ACP7: variants seen among roughly 807,000 people sequenced by gnomAD.
ACP7 encodes acid phosphatase 7, tartrate resistant (putative).
A neutral mutation model predicts 60.6 loss-of-function variants in ACP7; 58 were observed. The ratio of observed to expected loss-of-function variants is 0.96; its 90% CI spans 0.77 to 1.19. The LOEUF is 1.19. Ranked by LOEUF, ACP7 falls within the 50% of genes most tolerant of loss-of-function variation. ACP7 has a pLI of 0.00. For synonymous variants in ACP7, 237 were observed against 232.6 expected, an observed-to-expected ratio of 1.02 and a Z score of -0.17; for missense variants, 574 against 596.2, an observed-to-expected ratio of 0.96 and a Z score of 0.39.
intron 2 of ACP7, among the ~76,000 whole-genome samples, chr19:39,088,925 T>TAATTTTGC (rs2073174382): frequency 6.7e-6 from 1 of 148,274 alleles, no homozygotes; most frequent in Non-Finnish European, 1.5e-5. Context: ...TTTGTATTTG[T>TAATTTTGC]ATTTTTGCAT....
At chr19:39,107,846 A>G (rs1241041549) in intron 12 of ACP7, among the ~76,000 whole-genome samples, 1 of 151,882 alleles carries the variant, frequency 6.6e-6, no homozygotes. Flanking sequence ...AGATGGCACC[A>G]CTGCCCTCCA....
intron 2 of ACP7, among the ~76,000 whole-genome samples, chr19:39,095,017 C>T (rs560169960): frequency 3.9e-5 from 6 of 152,298 alleles, no homozygotes; most frequent in Non-Finnish European, 5.9e-5. Flanking sequence ...TCTCCCTCCA[C>T]GTACCTCTCA....
chr19:39,104,227 C>G (rs965482310), intron 11 of ACP7, among the ~76,000 whole-genome samples: 2 of 151,620 alleles, frequency 1.3e-5, no homozygotes, highest in Non-Finnish European at 2.9e-5. Flanking sequence ...GTTGTTGACT[C>G]TTTTTAGGCA....
rs1316628357 is a variant in ACP7, at chr19:39,102,765, T to TTCTTTCTTTCTTTC, written c.1113+1231_1113+1232insTTCTTTCTTTCTCT. Among the ~76,000 whole-genome samples the TTCTTTCTTTCTTTC allele has an allele frequency of 2.2e-3, 237 of 107,426 alleles. 2 individuals carry two copies. The highest frequency in any genetic ancestry group is 7.0e-3 in the African/African-American group (226 of 32,436). The allele number at this position is 107,426 out of a possible 152,430, so 70.5% of individuals were successfully genotyped here. A position where few individuals can be genotyped will look rare whatever the true frequency, so the allele number is the denominator to read the frequency against. On this transcript the variant is annotated intron_variant, in intron 11 of 12. Transcript: ENST00000331256. ...TTTCTTTCTTTCTTTCTTTCTTTCT[T>TTCTTTCTTTCTTTC]TCTCTCTCTCTCTCTTTCTCTCTCT...
At chr19:39,109,798 A>G (rs1480524237) in intron 12 of ACP7, among the ~76,000 whole-genome samples, 1 of 151,754 alleles carries the variant, frequency 6.6e-6, no homozygotes, top group Non-Finnish European at 1.5e-5. Flanking sequence ...GCCTACACTT[A>G]CATAGCCCTT....
At chr19:39,109,643 T>A (rs1214757506) in intron 12 of ACP7, among the ~76,000 whole-genome samples, 1 of 137,166 alleles carries the variant, frequency 7.3e-6, no homozygotes, top group African/African-American at 2.8e-5. Flanking sequence ...AAGCGGAGGT[T>A]GCCACTGCAC....
In ACP7 at chr19:39,107,157, G is replaced by T; in HGVS notation, c.1251+73G>T. ...TCCAAGCAAATGAGCTGTTAAAAAC[G>T]TGGGCTCGGCCGGGCGCAGTGGCTC... On this transcript the variant is annotated intron_variant, in intron 12 of 12. Coordinates refer to ENST00000331256, the MANE Select transcript of ACP7 (RefSeq NM_001004318.3). 1.6e-5 allele frequency: 23 copies of T among 1,450,344 alleles called. No individual in the cohort carries two copies. In the Middle Eastern group the frequency reaches 5.6e-4, roughly 35 times the overall value. 89.8% of individuals were successfully genotyped at this position (1,450,344 alleles called of 1,614,324 possible).
intron 12 of ACP7, 30 bp from the exon 13 acceptor site, chr19:39,110,023 A>G: frequency 6.2e-7 from 1 of 1,603,012 alleles, no homozygotes; most frequent in Admixed American, 1.7e-5. Context: ...TTTCAGCTCT[A>G]ACTACTGTCC....
chr19:39,105,168 A>G (rs906222774), intron 11 of ACP7, among the ~76,000 whole-genome samples: 6 of 151,358 alleles, frequency 4.0e-5, no homozygotes, highest in African/African-American at 1.2e-4. Flanking sequence ...GGCTTACGTC[A>G]CCACGCCCGG....
chr19:39,099,242 A>G, intron 4 of ACP7, 100 bp downstream of exon 4: 7 of 1,270,156 alleles, frequency 5.5e-6, no homozygotes, highest in Non-Finnish European at 6.2e-6. Context: ...GGGCGGTGCT[A>G]GGACCGTGGA....
upstream of ACP7, chr19:39,083,858 G>A (rs2073110824): frequency 6.6e-6 from 1 of 152,406 alleles, no homozygotes; most frequent in Middle Eastern, 3.4e-3. Context: ...TTCTGGTTTT[G>A]TTTTGAGGTT....
At chr19:39,106,811 A>T in intron 11 of ACP7, 136 bp from the exon 12 acceptor site, 1 of 1,041,050 alleles carries the variant, frequency 9.6e-7, no homozygotes, top group Non-Finnish European at 1.4e-6. Flanking sequence ...GGCATGAGCC[A>T]CTGCGCCCGG....
intron 4 of ACP7, 135 bp downstream of exon 4, chr19:39,099,277 T>A: frequency 9.6e-7 from 1 of 1,043,766 alleles, no homozygotes; most frequent in Non-Finnish European, 1.3e-6. Context: ...GGCCAGTGTG[T>A]CTCTGAAGGG....
chr19:39,088,472 G>A (rs978045169), intron 2 of ACP7, among the ~76,000 whole-genome samples: 31 of 152,188 alleles, frequency 2.0e-4, no homozygotes, highest in African/African-American at 5.1e-4. Flanking sequence ...AACCCATCTC[G>A]TAGTGCTGCT....
At chr19:39,086,641 A>AGGGG (rs34365418) in intron 2 of ACP7, among the ~76,000 whole-genome samples, 86 of 74,934 alleles carry the variant, frequency 1.1e-3, no homozygotes, top group Non-Finnish European at 1.9e-3. Flanking sequence ...AAAAAAAAAA[A>AGGGG]GGGGGGGGGG....
intron 2 of ACP7, among the ~76,000 whole-genome samples, chr19:39,086,504 C>T (rs768090414): frequency 2.0e-5 from 3 of 151,992 alleles, no homozygotes; most frequent in East Asian, 3.9e-4. Flanking sequence ...TGGTGGCTCA[C>T]GCCTGGTCTC....
rs2073337267 is a variant in ACP7 at position 39,101,007 on chromosome 19, T to C, written c.866T>C (p.Met289Thr). The part of the protein sequence containing the change: ...PWIITMGHRP[M>T]YCSNADLDDC... Reference sequence around the variant, plus strand: ...ATCATCACTATGGGGCACCGGCCCATGTACTGCTCCAACGCAGATCTGGAC... The same window carrying C: ...ATCATCACTATGGGGCACCGGCCCACGTACTGCTCCAACGCAGATCTGGAC... The change falls in exon 8 of 13, where the codon ATG becomes ACG. Residue 289 changes from methionine to threonine, a missense_variant. Met to Thr is a moderately conservative substitution (Grantham distance 81). Transcript: ENST00000331256. 8 of 1,612,618 alleles carry C rather than the reference T, an allele frequency of 5.0e-6. No homozygotes were observed. The highest frequency in any genetic ancestry group is 2.2e-5 in the South Asian group (2 of 91,020).
chr19:39,106,278 C>T (rs918063708), intron 11 of ACP7, among the ~76,000 whole-genome samples: 2 of 152,164 alleles, frequency 1.3e-5, no homozygotes, highest in African/African-American at 4.8e-5. Context: ...GCTTTTTCTC[C>T]TTCACACACA....
intron 12 of ACP7, 28 bp from the exon 13 acceptor site, chr19:39,110,025 C>G (rs572933403): frequency 1.9e-6 from 3 of 1,604,294 alleles, no homozygotes; most frequent in Non-Finnish European, 2.6e-6. Context: ...TCAGCTCTAA[C>G]TACTGTCCCT....
Sources: gnomAD v4.1 joint callset for allele counts (sites outside exome capture counted in the v4.1 genomes callset) on GRCh38, gnomAD v4.1.1 for gene constraint, MANE v1.5 for transcripts, NCBI Gene and HGNC (gene_info 2026-07-23, HGNC 2026-07-21) for gene names.